The following NPC1 variants were observed in gnomAD, a reference collection of about 807,000 sequenced individuals.
NPC1 encodes the protein Niemann-Pick C1 protein.
NPC1 carries 85 observed loss-of-function variants against 140.4 expected under a neutral mutation model. That is an observed-to-expected ratio of 0.61 (90% CI 0.51 to 0.72). NPC1 has a LOEUF of 0.72. NPC1 is among the 30% of genes least tolerant of loss of function. NPC1 has a pLI of 0.00. For synonymous variants in NPC1, 656 were observed against 624.8 expected, an observed-to-expected ratio of 1.05 and a Z score of -0.74; for missense variants, 1,504 against 1,623.8, an observed-to-expected ratio of 0.93 and a Z score of 1.27.
Position 23,531,495 on chromosome 18 carries a change from A to C in NPC1, c.*707T>G, listed in dbSNP as rs1399868169. On this transcript the variant is annotated 3_prime_UTR_variant, in exon 25 of 25. Coordinates refer to ENST00000269228, the MANE Select transcript of NPC1 (RefSeq NM_000271.5). The stretch of plus-strand genomic sequence containing the variant: ...TCTCAAAGCAGATAGGGTAACCCCA[A>C]AACTTAGGAAAACAATGTATTTTAT... 3.7e-5 allele frequency: 54 copies of C among 1,469,682 alleles called. No individual in the cohort carries two copies. Among genetic ancestry groups the C allele is most frequent in the Non-Finnish European group, 4.7e-5 (52 of 1,117,988 alleles). The allele number at this position is 1,469,682 out of a possible 1,614,324, so 91.0% of individuals were successfully genotyped here. A position where few individuals can be genotyped will look rare whatever the true frequency, so the allele number is the denominator to read the frequency against.
downstream of NPC1, chr18:23,529,030 C>T (rs547085934): frequency 5.6e-5 from 73 of 1,302,186 alleles, 2 homozygotes; most frequent in South Asian, 9.9e-4. Flanking sequence ...CAGGCATGCG[C>T]ACAGGAAAAA....
chr18:23,570,579 C>T (rs2059187263), intron 3 of NPC1, among the ~76,000 whole-genome samples: 1 of 152,240 alleles, frequency 6.6e-6, no homozygotes, highest in Non-Finnish European at 1.5e-5. Context: ...TGTGCCCTAT[C>T]ACCACCTGCA....
intron 12 of NPC1, 134 bp from the exon 13 acceptor site, chr18:23,544,660 G>A: frequency 1.1e-6 from 1 of 879,896 alleles, no homozygotes; most frequent in South Asian, 1.4e-5. Context: ...GTGTTTCAGA[G>A]AGGACTTGTA....
rs2058504416 is a variant in NPC1, at chr18:23,531,477, G to A, written c.*725C>T. ...TTAGCTTTTGTATTTGTCTCTCAAA[G>A]CAGATAGGGTAACCCCAAAACTTAG... On this transcript the variant is annotated 3_prime_UTR_variant, in exon 25 of 25. Coordinates refer to ENST00000269228, the MANE Select transcript of NPC1 (RefSeq NM_000271.5). 3 of 1,428,564 alleles carry A rather than the reference G, an allele frequency of 2.1e-6. No homozygotes were observed. The highest frequency in any genetic ancestry group is 2.7e-6 in the Non-Finnish European group (3 of 1,092,144). The allele number at this position is 1,428,564 out of a possible 1,614,324, so 88.5% of individuals were successfully genotyped here. A position where few individuals can be genotyped will look rare whatever the true frequency, so the allele number is the denominator to read the frequency against.
chr18:23,573,109 T>C (rs1365195838), intron 2 of NPC1, among the ~76,000 whole-genome samples: 1 of 152,182 alleles, frequency 6.6e-6, no homozygotes, highest in Non-Finnish European at 1.5e-5. Context: ...CAGAGTCCAT[T>C]TGAGTCCTGA....
chr18:23,519,150 A>G (rs1157427679), downstream of NPC1: 1 of 1,614,164 alleles, frequency 6.2e-7, no homozygotes, highest in Non-Finnish European at 8.5e-7. Context: ...ACAACCTGGT[A>G]GTCGTGCATC....
chr18:23,510,534 C>T (rs1448744527), intron 3 of NPC1, among the ~76,000 whole-genome samples: 1 of 152,046 alleles, frequency 6.6e-6, no homozygotes, highest in East Asian at 1.9e-4. Context: ...GTAATCCCAG[C>T]TACTAGGGAG....
At chr18:23,563,987 G>GAGTTTT (rs2059082942) in intron 4 of NPC1, among the ~76,000 whole-genome samples, 1 of 102,600 alleles carries the variant, frequency 9.7e-6, no homozygotes, top group Admixed American at 1.2e-4. Flanking sequence ...AGTAGTAAGA[G>GAGTTTT]TTTTTTTTTT....
intron 1 of NPC1, among the ~76,000 whole-genome samples, chr18:23,578,532 G>A (rs1397124436): frequency 6.6e-6 from 1 of 152,112 alleles, no homozygotes. Flanking sequence ...CCAGCCTCCT[G>A]GCCCCCAGGC....
chr18:23,521,643 T>C (rs1194139076), downstream of NPC1, among the ~76,000 whole-genome samples: 2 of 151,790 alleles, frequency 1.3e-5, no homozygotes, highest in Non-Finnish European at 2.9e-5. Flanking sequence ...CTTTTTCCAG[T>C]GTAATTGATT....
chr18:23,533,285 G>A (rs1011645113), intron 24 of NPC1, 70 bp downstream of exon 24: 9 of 1,387,784 alleles, frequency 6.5e-6, no homozygotes, highest in Admixed American at 3.4e-5. Flanking sequence ...TGAAAAGAAT[G>A]CCTCAGGATA....
Position 23,568,503 on chromosome 18 carries a change from A to T in NPC1, c.463+320T>A, listed in dbSNP as rs74552655. 0.024 allele frequency among the ~76,000 whole-genome samples: 3,598 copies of T among 152,266 alleles called. 285 individuals are homozygous for T. The East Asian group carries it at 0.3, about 13-fold the overall frequency. On this transcript the variant is annotated intron_variant, in intron 4 of 24. Coordinates refer to ENST00000269228, the MANE Select transcript of NPC1 (RefSeq NM_000271.5). Reference sequence around the variant, plus strand: ...GTTCTATCTTCTCAGTCTTGCAGTAATTTATGACATTACACAACTCATGTC... The same window carrying T: ...GTTCTATCTTCTCAGTCTTGCAGTATTTTATGACATTACACAACTCATGTC...
chr18:23,579,812 G>A (rs890718573), intron 1 of NPC1, among the ~76,000 whole-genome samples: 7 of 151,844 alleles, frequency 4.6e-5, no homozygotes, highest in Non-Finnish European at 7.4e-5. Context: ...GTGAACCCGG[G>A]AGGCGGAGGT....
rs151332129 is a variant in NPC1, at chr18:23,557,711, C to T, written c.882-521G>A. Among the ~76,000 whole-genome samples the T allele has an allele frequency of 2.7e-3, 412 of 152,290 alleles. 4 individuals are homozygous for T. Among genetic ancestry groups the T allele is most frequent in the African/African-American group, 9.6e-3 (397 of 41,564 alleles). On this transcript the variant is annotated intron_variant, in intron 6 of 24. Transcript: ENST00000269228. ...GAGCTGAGATCGCGCCACTGCATTCCAGCCTGGTGACAGAGCAAGACTCCA... is the reference window on the plus strand; with the variant it reads ...GAGCTGAGATCGCGCCACTGCATTCTAGCCTGGTGACAGAGCAAGACTCCA...
chr18:23,528,008 G>A (rs768212943), downstream of NPC1: 97 of 928,870 alleles, frequency 1.0e-4, no homozygotes, highest in Non-Finnish European at 1.4e-4. Flanking sequence ...GAATAAGGTC[G>A]CTGAGATTTG....
chr18:23,550,877 T>TA (rs1229572848), intron 10 of NPC1, among the ~76,000 whole-genome samples: 2 of 152,214 alleles, frequency 1.3e-5, no homozygotes, highest in Admixed American at 1.3e-4. Context: ...CCCCTATGGC[T>TA]AGTCAGTTGC....
intron 4 of NPC1, among the ~76,000 whole-genome samples, chr18:23,567,091 A>T (rs2059136568): frequency 1.3e-5 from 2 of 152,214 alleles, no homozygotes; most frequent in South Asian, 4.1e-4. Flanking sequence ...TACTGAGAGA[A>T]ATCTTGGTGG....
At chr18:23,578,729 T>G (rs1485167881) in intron 1 of NPC1, among the ~76,000 whole-genome samples, 2 of 152,246 alleles carry the variant, frequency 1.3e-5, no homozygotes, top group Non-Finnish European at 2.9e-5. Context: ...CACTTTCCAC[T>G]AGCTGCCCAA....
Position 23,533,515 on chromosome 18 carries a change from C to T in NPC1, c.3594G>A (p.Val1198=), listed in dbSNP as rs1440442725. Residue 1198 remains valine (V), a splice_region_variant and synonymous_variant, in exon 24 of 25, where the codon GTG becomes GTA. Transcript: ENST00000269228. ...ATTTTGTAAGTGTGATTCCACTGAA[C>T]ACCTAAAAGAAGAGATACTGTGTTA... ...EEALAHMGSS[V]FSGITLTKFG... 1.9e-6 allele frequency: 3 copies of T among 1,614,060 alleles called. No homozygotes were observed. The highest frequency in any genetic ancestry group is 2.2e-5 in the East Asian group (1 of 44,894).
Sources: gnomAD v4.1 joint callset for allele counts (sites outside exome capture counted in the v4.1 genomes callset) on GRCh38, gnomAD v4.1.1 for gene constraint, MANE v1.5 for transcripts, NCBI Gene and HGNC (gene_info 2026-07-23, HGNC 2026-07-21) for gene names.